The following ZC3H7B variants were observed in gnomAD, a reference collection of about 807,000 sequenced individuals.
ZC3H7B encodes zinc finger CCCH-type containing 7B.
Under a neutral mutation model 116.0 loss-of-function variants are expected in ZC3H7B, and 35 were observed. That is an observed-to-expected ratio of 0.30 (90% confidence interval 0.23 to 0.40). The LOEUF is 0.40. ZC3H7B is among the 10% of genes least tolerant of loss of function. The pLI is 1.00. For missense variants in ZC3H7B, 1,011 were observed against 1,321.5 expected, an observed-to-expected ratio of 0.77 and a Z score of 3.64; for synonymous variants, 502 against 545.6, an observed-to-expected ratio of 0.92 and a Z score of 1.11.
At position 41,357,404 on chromosome 22, in the gene ZC3H7B, C is replaced by T. The variant is rs2036735743; in HGVS notation, c.2909C>T (p.Ala970Val). ...GCCACCCCAGAAGCCCCTGCTGCTG[C>T]TGCCACCGCCACCACTGGGGAGTAG... ...AGATPEAPAA[A>V]ATATTGE Residue 970 changes from alanine to valine, a missense_variant, in exon 23 of 23, where the codon GCT becomes GTT. By Grantham distance (64) the Ala-to-Val change is moderately conservative. This residue lies in a region of ZC3H7B where 406 missense variants were observed against 590.2 expected (regional missense o/e 0.69). Coordinates refer to ENST00000352645, the MANE Select transcript of ZC3H7B (RefSeq NM_017590.6). This position sits in a 1 kb window ranked among gnomAD's most constrained non-coding sequence, Gnocchi z 5.4. 1.2e-6 allele frequency: 2 copies of T among 1,612,538 alleles called. No individual in the cohort carries two copies. The highest frequency in any genetic ancestry group is 1.1e-5 in the South Asian group (1 of 91,088).
Position 41,357,791 on chromosome 22 carries a change from C to G in ZC3H7B, c.*362C>G, listed in dbSNP as rs1314506154. 3.3e-6 allele frequency: 1 copy of G among 299,882 alleles called. No individual in the cohort carries two copies. Among genetic ancestry groups the G allele is most frequent in the Non-Finnish European group, 6.4e-6 (1 of 157,388 alleles). 18.6% of individuals were successfully genotyped at this position (299,882 alleles called of 1,614,324 possible). A position where few individuals can be genotyped will look rare whatever the true frequency, so the allele number is the denominator to read the frequency against. ...AGGGCTGGGGAGCCTGGGGTCCCCA[C>G]TTGAATCTCCAGCAGGAGGGTCCTT... On this transcript the variant is annotated 3_prime_UTR_variant, in exon 23 of 23. Transcript: ENST00000352645. This position sits in a 1 kb window ranked among gnomAD's most constrained non-coding sequence, Gnocchi z 5.4.
chr22:41,304,494 T>C (rs558174393), intron 1 of ZC3H7B, among the ~76,000 whole-genome samples: 11 of 152,336 alleles, frequency 7.2e-5, no homozygotes, highest in Admixed American at 3.3e-4. Context: ...AGGTTTGCAA[T>C]TGACTTTGTC....
intron 1 of ZC3H7B, among the ~76,000 whole-genome samples, chr22:41,306,717 C>G (rs980157860): frequency 1.3e-5 from 2 of 152,064 alleles, no homozygotes; most frequent in Non-Finnish European, 1.5e-5. Flanking sequence ...TGTAATTATC[C>G]CCATTTTACA....
At chr22:41,323,376 G>C (rs2036281087) in intron 2 of ZC3H7B, among the ~76,000 whole-genome samples, 2 of 152,228 alleles carry the variant, frequency 1.3e-5, no homozygotes, top group Non-Finnish European at 2.9e-5. Flanking sequence ...GGCCACTGCT[G>C]TCTTCCATAA....
intron 1 of ZC3H7B, among the ~76,000 whole-genome samples, chr22:41,309,243 C>T (rs1377398947): frequency 6.6e-6 from 1 of 151,988 alleles, no homozygotes; most frequent in Non-Finnish European, 1.5e-5. Context: ...ATCTCCTGAC[C>T]TCGTGATCCG....
At chr22:41,344,867 G>T (rs1358179586) in intron 13 of ZC3H7B, among the ~76,000 whole-genome samples, 1 of 152,200 alleles carries the variant, frequency 6.6e-6, no homozygotes, top group Non-Finnish European at 1.5e-5. Flanking sequence ...AGTGAGTGGT[G>T]CTGTTATAGC....
chr22:41,351,729 T>C lies in ZC3H7B; in HGVS notation c.2034+83T>C, dbSNP rs1250265363. On this transcript the variant is annotated intron_variant, in intron 17 of 22. Transcript: ENST00000352645. The surrounding 1 kb of genome is among the most constrained non-coding windows in gnomAD (Gnocchi z 5.1). ...AAACAGGAAGGCTCTAATTTTACAA[T>C]AGAGAAATGTTTACAATGGAGGCAC... is the stretch of plus-strand genomic sequence containing the variant. The C allele has an allele frequency of 3.4e-5, 47 of 1,386,064 alleles. No individual in the cohort carries two copies. Among genetic ancestry groups the C allele is most frequent in the Non-Finnish European group, 4.7e-5 (47 of 1,004,940 alleles). 85.9% of individuals were successfully genotyped at this position (1,386,064 alleles called of 1,614,324 possible).
chr22:41,346,676 C>T lies in ZC3H7B; in HGVS notation c.1665+468C>T, dbSNP rs565029575. 2.0e-5 allele frequency among the ~76,000 whole-genome samples: 3 copies of T among 151,936 alleles called. No individual in the cohort carries two copies. Among genetic ancestry groups the T allele is most frequent in the African/African-American group, 7.2e-5 (3 of 41,422 alleles). On this transcript the variant is annotated intron_variant, in intron 14 of 22. Coordinates refer to ENST00000352645, the MANE Select transcript of ZC3H7B (RefSeq NM_017590.6). This position sits in a 1 kb window ranked among gnomAD's most constrained non-coding sequence, Gnocchi z 5.3. ...ACTAAAAATACAAAAATTAGCTGGG[C>T]GTTGTGGTGCACGCCTGTAGTCCCA...
At position 41,356,460 on chromosome 22, in the gene ZC3H7B, A is replaced by G; in HGVS notation, c.2501A>G (p.Asp834Gly). Residue 834 changes from aspartate to glycine, a missense_variant, in exon 21 of 23, where the codon GAC (aspartate) becomes GGC (glycine). Coordinates refer to ENST00000352645, the MANE Select transcript of ZC3H7B (RefSeq NM_017590.6). ...EGEKQIQMPT[D>G]YADIMMGYHC... is the part of the protein sequence containing the mutation. Reference sequence around the variant, plus strand: ...GAGAAGCAGATCCAGATGCCCACGGACTACGCGGACATCATGGTAACGCCT... The same window carrying G: ...GAGAAGCAGATCCAGATGCCCACGGGCTACGCGGACATCATGGTAACGCCT... 6.2e-7 allele frequency: 1 copy of G among 1,614,076 alleles called. No homozygotes were observed. The highest frequency in any genetic ancestry group is 8.5e-7 in the Non-Finnish European group (1 of 1,180,032).
Position 41,356,069 on chromosome 22 carries a change from G to A in ZC3H7B, c.2383+7G>A. On this transcript the variant is annotated splice_region_variant and intron_variant, in intron 20 of 22. Coordinates refer to ENST00000352645, the MANE Select transcript of ZC3H7B (RefSeq NM_017590.6). ...TTCATGAAGGAGAACAAGAGTGAGT[G>A]GGCAGACGGGGCGGGCGGGCCCTCC... is the stretch of plus-strand genomic sequence containing the variant. The A allele has an allele frequency of 6.4e-7, 1 of 1,559,200 alleles. No homozygotes were observed.
At chr22:41,334,095 T>C (rs972909372) in intron 7 of ZC3H7B, 3 of 152,370 alleles carry the variant, frequency 2.0e-5, no homozygotes. Context: ...GAACAGGAGA[T>C]AGAAGCCAGA....
At chr22:41,317,181 T>C (rs1266490471) in intron 1 of ZC3H7B, among the ~76,000 whole-genome samples, 3 of 152,038 alleles carry the variant, frequency 2.0e-5, no homozygotes, top group Non-Finnish European at 2.9e-5. Context: ...GGTTTCACCA[T>C]GTTGGCCAGG....
intron 17 of ZC3H7B, among the ~76,000 whole-genome samples, chr22:41,354,520 G>A (rs1456752325): frequency 2.0e-5 from 3 of 152,170 alleles, no homozygotes; most frequent in African/African-American, 7.2e-5. Context: ...CTTCTGTGGG[G>A]GAGTTCCTAT....
chr22:41,346,643 C>T lies in ZC3H7B; in HGVS notation c.1665+435C>T, dbSNP rs1030662403. Among the ~76,000 whole-genome samples the T allele has an allele frequency of 2.0e-5, 3 of 152,158 alleles. No homozygotes were observed. The highest frequency in any genetic ancestry group is 4.4e-5 in the Non-Finnish European group (3 of 68,032). On this transcript the variant is annotated intron_variant, in intron 14 of 22. Coordinates refer to ENST00000352645, the MANE Select transcript of ZC3H7B (RefSeq NM_017590.6). This position sits in a 1 kb window ranked among gnomAD's most constrained non-coding sequence, Gnocchi z 5.3. ...CCAGCCTGGCCAACACGGTGAAACC[C>T]TGTCTCTACTAAAAATACAAAAATT...
chr22:41,356,095 C>T (rs955166648), intron 20 of ZC3H7B, 33 bp downstream of exon 20: 1 of 1,531,958 alleles, frequency 6.5e-7, no homozygotes, highest in Middle Eastern at 1.8e-4. Flanking sequence ...CGGGCCCTCC[C>T]CCGGTGTCTC....
chr22:41,351,796 C>T lies in ZC3H7B; in HGVS notation c.2034+150C>T. ...AAGTAACTTGGATAATGTACACATT[C>T]AGCTGTTGTGTCTCATTTTATTTTA... On this transcript the variant is annotated intron_variant, in intron 17 of 22. Transcript: ENST00000352645. The surrounding 1 kb of genome is among the most constrained non-coding windows in gnomAD (Gnocchi z 5.1). 1 of 685,566 alleles carries T rather than the reference C, an allele frequency of 1.5e-6. No individual in the cohort carries two copies. Among genetic ancestry groups the T allele is most frequent in the East Asian group, 2.8e-5 (1 of 35,370 alleles). The allele number at this position is 685,566 out of a possible 1,614,324, so 42.5% of individuals were successfully genotyped here.
Position 41,356,755 on chromosome 22 carries a change from C to G in ZC3H7B, c.2628C>G (p.Asp876Glu), listed in dbSNP as rs368670113. Reference protein sequence around the residue: ...HKEKVFTSDSDASGWAFRFPM... With the variant: ...HKEKVFTSDSEASGWAFRFPM... ...AGAAGGTCTTCACGTCCGACAGTGA[C>G]GCCAGCGGCTGGGCCTTCCGCTTCC... Residue 876 changes from aspartate (D) to glutamate (E), a missense_variant, in exon 22 of 23, where the codon GAC (aspartate) becomes GAG (glutamate). Physicochemically the swap from Asp to Glu is conservative, Grantham distance 45. Transcript: ENST00000352645. The G allele has an allele frequency of 1.2e-6, 2 of 1,613,490 alleles. No homozygotes were observed. The highest frequency in any genetic ancestry group is 1.1e-5 in the South Asian group (1 of 91,088).
At chr22:41,345,896 T>C in intron 13 of ZC3H7B, 107 bp from the exon 14 acceptor site, 1 of 1,181,926 alleles carries the variant, frequency 8.5e-7, no homozygotes, top group Non-Finnish European at 1.2e-6. Context: ...AGCGAAGCCC[T>C]GCCTGGCTCA....
chr22:41,331,279 G>A (rs910320482), intron 6 of ZC3H7B, among the ~76,000 whole-genome samples: 17 of 148,458 alleles, frequency 1.1e-4, no homozygotes, highest in East Asian at 4.1e-4. Flanking sequence ...GGCCGGGCGC[G>A]GTGGCTCATG....
Sources: allele counts gnomAD v4.1 joint callset (sites outside exome capture counted in the v4.1 genomes callset), GRCh38; gene constraint gnomAD v4.1.1; regional missense constraint gnomAD v4.1.1; non-coding constraint Gnocchi (gnomAD v3.1); transcripts MANE v1.5; gene names NCBI Gene and HGNC (gene_info 2026-07-23, HGNC 2026-07-21).